GSE1: variants seen among roughly 807,000 people sequenced by gnomAD.
GSE1 encodes the protein Gse1 coiled-coil protein, also known as genetic suppressor element 1.
In GSE1, 32 loss-of-function variants were observed where a neutral mutation model predicts 112.6. The observed-to-expected ratio is 0.28, with a 90% CI of 0.21 to 0.38. The LOEUF (loss-of-function observed/expected upper bound fraction) is 0.38. GSE1 is among the 10% of genes least tolerant of loss of function. The probability of loss-of-function intolerance (pLI) is 1.00; values close to 1 mark genes in which losing one functional copy is unlikely to be tolerated. For synonymous variants in GSE1, 1,115 were observed against 735.6 expected (o/e 1.52, Z -8.35); for missense variants, 2,348 against 1,699.2 (o/e 1.38, Z -6.71).
intron 1 of GSE1, among the ~76,000 whole-genome samples, chr16:85,188,908 T>A (rs1235783669): frequency 6.6e-6 from 1 of 152,200 alleles, no homozygotes. Flanking sequence ...ACCCTCAAAA[T>A]TTAATGCAAA....
chr16:85,427,626 A>G (rs2049023754), intron 2 of GSE1, among the ~76,000 whole-genome samples: 1 of 152,110 alleles, frequency 6.6e-6, no homozygotes, highest in Non-Finnish European at 1.5e-5. Flanking sequence ...TGGGCGACAG[A>G]GCAGCACTCC....
chr16:85,663,698 C>A, intron 11 of GSE1, 84 bp downstream of exon 11: 2 of 1,355,434 alleles, frequency 1.5e-6, no homozygotes, highest in East Asian at 2.3e-5. Flanking sequence ...CGGTGGACTC[C>A]AGGCAGGATC....
At chr16:85,525,444 G>A (rs1055662072) in intron 2 of GSE1, among the ~76,000 whole-genome samples, 2 of 152,224 alleles carry the variant, frequency 1.3e-5, no homozygotes, top group African/African-American at 2.4e-5. Context: ...GAAGGAGCGA[G>A]GTGGCCAGGC....
In GSE1 at chr16:85,672,540, C is replaced by CG. The variant is rs1567775901; in HGVS notation, c.*3dup. On this transcript the variant is annotated 3_prime_UTR_variant, in exon 16 of 16. Transcript: ENST00000253458. ...CTACCTGAAGGGATATCCCAGGTGA[C>CG]GGTTTCCCTTGCACTAGGCCGAACC... 1 of 1,599,762 alleles carries CG rather than the reference C, an allele frequency of 6.3e-7. No homozygotes were observed. Among genetic ancestry groups the CG allele is most frequent in the South Asian group, 1.1e-5 (1 of 90,204 alleles).
intron 1 of GSE1, among the ~76,000 whole-genome samples, chr16:85,300,890 A>G (rs1440379890): frequency 1.3e-5 from 2 of 152,212 alleles, no homozygotes; most frequent in Non-Finnish European, 2.9e-5. Context: ...TGAACCCGCC[A>G]GCCATCCTGC....
rs1162602435 is a variant in GSE1, at chr16:85,558,726, C to T, written c.37+2363C>T. ...TTTTTGGTGGTTGTATTTAAAGTCC[C>T]CACTGGGGTTTTACACTTTATTGTC... On this transcript the variant is annotated intron_variant, in intron 1 of 2. Coordinates refer to the GSE1 transcript ENST00000635906. Among the ~76,000 whole-genome samples, 7 of 152,292 alleles carry T rather than the reference C, an allele frequency of 4.6e-5. No individual in the cohort carries two copies. In the East Asian group the frequency reaches 1.4e-3, roughly 29 times the overall value.
rs762415468 is a variant in GSE1 at position 85,661,099 on chromosome 16, C to G, written c.1641-47C>G. 2.0e-6 allele frequency: 3 copies of G among 1,517,846 alleles called. No individual in the cohort carries two copies. The African/African-American group carries it at 4.2e-5, about 21-fold the overall frequency. 94.0% of individuals were successfully genotyped at this position (1,517,846 alleles called of 1,614,324 possible). A position where few individuals can be genotyped will look rare whatever the true frequency, so the allele number is the denominator to read the frequency against. The stretch of plus-strand genomic sequence containing the variant: ...GGCAGCCAGGGAAGCCTGTGGATGA[C>G]TGAAGGGTCTTTTCTCCCTGACTGA... On this transcript the variant is annotated intron_variant, in intron 8 of 15. Transcript: ENST00000253458.
At chr16:85,656,267 C>T (rs1029451447) in intron 6 of GSE1, 76 bp from the exon 7 acceptor site, 1 of 1,556,760 alleles carries the variant, frequency 6.4e-7, no homozygotes. Flanking sequence ...CCTGGTTATG[C>T]TTTTTAAGGG....
rs73253155 is a variant in GSE1 at position 85,369,946 on chromosome 16, C to T, written c.2464+12303C>T. Among the ~76,000 whole-genome samples the T allele has an allele frequency of 1.2e-3, 176 of 152,340 alleles. 3 individuals are homozygous for T. The highest frequency in any genetic ancestry group is 4.1e-3 in the African/African-American group (170 of 41,582). On this transcript the variant is annotated intron_variant, in intron 2 of 2. Coordinates refer to the GSE1 transcript ENST00000637419. ...AACCCCAAGGGTGCATTCTGCGTCA[C>T]CCCGGGTCAGTCCCCTCCTTGGGAA...
chr16:85,628,819 G>A (rs2151703478), intron 1 of GSE1, among the ~76,000 whole-genome samples: 1 of 152,340 alleles, frequency 6.6e-6, no homozygotes, highest in East Asian at 1.9e-4. Flanking sequence ...GTAGCCTCAA[G>A]GTGTGTGCGC....
chr16:85,294,077 G>A (rs1451975508), intron 1 of GSE1, among the ~76,000 whole-genome samples: 1 of 152,174 alleles, frequency 6.6e-6, no homozygotes, highest in Non-Finnish European at 1.5e-5. Flanking sequence ...AGAAAACACC[G>A]GCAAAGACTC....
At chr16:85,513,768 C>G (rs1204337164) in intron 2 of GSE1, among the ~76,000 whole-genome samples, 2 of 152,170 alleles carry the variant, frequency 1.3e-5, no homozygotes, top group Non-Finnish European at 2.9e-5. Context: ...GAAAGGGCTG[C>G]TCTTGGAGCC....
chr16:85,185,036 T>G (rs906698010), intron 1 of GSE1: 3 of 152,332 alleles, frequency 2.0e-5, no homozygotes, highest in African/African-American at 7.2e-5. Flanking sequence ...TCTACTACAG[T>G]TTGGATTTGT....
intron 2 of GSE1, among the ~76,000 whole-genome samples, chr16:85,502,476 A>C (rs559036069): frequency 9.2e-5 from 14 of 152,284 alleles, no homozygotes; most frequent in Non-Finnish European, 1.8e-4. Flanking sequence ...TCTGGTTCCA[A>C]AGTTCCCGCT....
intron 1 of GSE1, among the ~76,000 whole-genome samples, chr16:85,625,037 GCTGGGCACCAT>G (rs1237716193): frequency 2.0e-5 from 3 of 152,172 alleles, no homozygotes; most frequent in African/African-American, 7.2e-5. Context: ...CGCTGTTGGT[GCTGGGCACCAT>G]CTCCCAGAGT....
At chr16:85,226,758 G>GGT (rs55999145) in intron 1 of GSE1, among the ~76,000 whole-genome samples, 2,328 of 104,904 alleles carry the variant, frequency 0.022, 50 homozygotes, top group East Asian at 0.035. Context: ...TGCCTGGACT[G>GGT]GTGTGTGTGT....
chr16:85,388,604 TTGGATGGA>T (rs1207740179), intron 2 of GSE1, among the ~76,000 whole-genome samples: 6 of 103,868 alleles, frequency 5.8e-5, no homozygotes, highest in East Asian at 6.0e-4. Flanking sequence ...GGATGGATGG[TTGGATGGA>T]TGGATGGATG....
intron 1 of GSE1, among the ~76,000 whole-genome samples, chr16:85,317,775 C>A (rs773617432): frequency 2.0e-5 from 3 of 152,198 alleles, no homozygotes; most frequent in African/African-American, 4.8e-5. Context: ...ACCAGTGTAT[C>A]CAGCACTCCC....
intron 1 of GSE1, among the ~76,000 whole-genome samples, chr16:85,334,938 C>G (rs1046585146): frequency 5.9e-5 from 9 of 152,332 alleles, no homozygotes; most frequent in African/African-American, 1.7e-4. Flanking sequence ...TTTATCTGCA[C>G]AGCAAGACAA....
Sources: allele counts gnomAD v4.1 joint callset (sites outside exome capture counted in the v4.1 genomes callset), GRCh38; gene constraint gnomAD v4.1.1; transcripts MANE v1.5; gene names NCBI Gene and HGNC (gene_info 2026-07-23, HGNC 2026-07-21).